The following TCF7L2 variants were observed in gnomAD, a reference collection of about 807,000 sequenced individuals.
The protein encoded by TCF7L2 is transcription factor 7 like 2, also known as transcription factor 7-like 2.
A neutral mutation model predicts 77.9 loss-of-function variants in TCF7L2; 23 were observed. The observed-to-expected ratio is 0.30, with a 90% CI of 0.21 to 0.42. The LOEUF (loss-of-function observed/expected upper bound fraction) is 0.42. Among genes scored for constraint, TCF7L2 ranks in the 10% least tolerant of loss-of-function variants. The pLI is 1.00. For synonymous variants in TCF7L2, 413 were observed against 340.2 expected (o/e 1.21, Z -2.36); for missense variants, 654 against 793.1 (o/e 0.82, Z 2.11).
intron 4 of TCF7L2, among the ~76,000 whole-genome samples, chr10:113,032,623 G>A (rs1375472901): frequency 6.6e-6 from 1 of 152,148 alleles, no homozygotes; most frequent in East Asian, 1.9e-4. Flanking sequence ...AAGAAAACTG[G>A]GAAAGATAGA....
At chr10:112,967,964 T>A (rs996631985) in intron 4 of TCF7L2, among the ~76,000 whole-genome samples, 1 of 152,222 alleles carries the variant, frequency 6.6e-6, no homozygotes, top group African/African-American at 2.4e-5. Flanking sequence ...AGAAAAGACA[T>A]TGTTTTAAAA....
chr10:113,023,594 C>T (rs562507903), intron 4 of TCF7L2, among the ~76,000 whole-genome samples: 2 of 152,360 alleles, frequency 1.3e-5, no homozygotes, highest in East Asian at 1.9e-4. Flanking sequence ...GCCTCAGCCT[C>T]CCCAGTAGCT....
intron 12 of TCF7L2, 89 bp downstream of exon 13, chr10:113,158,806 G>A (rs766467047): frequency 5.7e-5 from 76 of 1,327,778 alleles, no homozygotes; most frequent in Non-Finnish European, 6.9e-5. Flanking sequence ...ATTTAAACAC[G>A]TATGACATTT....
At chr10:113,082,623 G>A (rs539554602) in intron 5 of TCF7L2, among the ~76,000 whole-genome samples, 5 of 151,934 alleles carry the variant, frequency 3.3e-5, no homozygotes, top group Non-Finnish European at 5.9e-5. Context: ...GTGTGTGCAC[G>A]TGCACACGCA....
chr10:113,116,866 A>C (rs1190373070), intron 5 of TCF7L2, among the ~76,000 whole-genome samples: 2 of 152,188 alleles, frequency 1.3e-5, no homozygotes, highest in Non-Finnish European at 2.9e-5. Flanking sequence ...CTCAAATGCA[A>C]GTGTAAAGTT....
Position 112,950,801 on chromosome 10 carries a change from C to G in TCF7L2, c.45C>G (p.Asn15Lys), listed in dbSNP as rs76088094. 6.3e-7 allele frequency: 1 copy of G among 1,593,194 alleles called. No individual in the cohort carries two copies. The stretch of plus-strand genomic sequence containing the variant: ...GTGGAGGGGATGACCTAGGCGCCAA[C>G]GACGAACTGATTTCCTTCAAAGACG... The change falls in exon 1 of 14, where the codon AAC becomes AAG. Residue 15 changes from asparagine (N) to lysine (K), a missense_variant. Physicochemically the swap from Asn to Lys is moderately conservative, Grantham distance 94. Coordinates refer to ENST00000627217, the MANE Select transcript of TCF7L2 (RefSeq NM_001146274.2).
intron 4 of TCF7L2, among the ~76,000 whole-genome samples, chr10:113,023,315 T>G (rs1330251139): frequency 3.3e-5 from 5 of 152,178 alleles, no homozygotes; most frequent in Non-Finnish European, 7.4e-5. Context: ...CACTTGCCAG[T>G]TTTACCGCAG....
chr10:113,085,697 C>G (rs2059767379), intron 5 of TCF7L2, among the ~76,000 whole-genome samples: 1 of 152,176 alleles, frequency 6.6e-6, no homozygotes, highest in Non-Finnish European at 1.5e-5. Context: ...ACATTGACAT[C>G]AGGGGCTGAG....
chr10:113,104,436 C>A (rs1165680606), intron 5 of TCF7L2, among the ~76,000 whole-genome samples: 1 of 152,176 alleles, frequency 6.6e-6, no homozygotes, highest in Non-Finnish European at 1.5e-5. Context: ...GTCATCTGGA[C>A]ACCAGGGAGG....
intron 5 of TCF7L2, among the ~76,000 whole-genome samples, chr10:113,116,748 AATAG>A (rs1347846127): frequency 1.3e-5 from 2 of 151,702 alleles, no homozygotes; most frequent in African/African-American, 4.8e-5. Flanking sequence ...AATCTAGGTA[AATAG>A]ATTTTAAATC....
chr10:112,968,833 C>A (rs998086492), intron 4 of TCF7L2, among the ~76,000 whole-genome samples: 1 of 152,138 alleles, frequency 6.6e-6, no homozygotes, highest in Non-Finnish European at 1.5e-5. Context: ...GCCATTTGGC[C>A]TCCCAAAGTG....
intron 5 of TCF7L2, among the ~76,000 whole-genome samples, chr10:113,086,655 T>C (rs760690689): frequency 3.9e-5 from 6 of 152,102 alleles, no homozygotes; most frequent in Non-Finnish European, 8.8e-5. Context: ...ACCAGAAAAA[T>C]CATGAATGGA....
At chr10:113,089,320 G>T in intron 5 of TCF7L2, 1 of 1,494,516 alleles carries the variant, frequency 6.7e-7, no homozygotes, top group East Asian at 2.3e-5. Context: ...AGAAAGGAAG[G>T]CTGGGGGCTG....
chr10:112,994,228 C>T (rs1264528122), intron 4 of TCF7L2, among the ~76,000 whole-genome samples: 3 of 152,256 alleles, frequency 2.0e-5, no homozygotes, highest in Middle Eastern at 6.8e-3. Context: ...CCTCCCTTAC[C>T]CATTAGCAGT....
chr10:112,978,211 A>G (rs891612315), intron 4 of TCF7L2, among the ~76,000 whole-genome samples: 3 of 152,218 alleles, frequency 2.0e-5, no homozygotes, highest in African/African-American at 7.2e-5. Context: ...CATATTTGAA[A>G]TGGAGTCTAG....
At chr10:113,142,932 G>A (rs551806231) in intron 6 of TCF7L2, among the ~76,000 whole-genome samples, 2 of 152,334 alleles carry the variant, frequency 1.3e-5, no homozygotes, top group African/African-American at 4.8e-5. Context: ...AGAAAGCAAT[G>A]TCTGCATGAA....
chr10:112,988,135 C>T (rs142780344), intron 4 of TCF7L2, among the ~76,000 whole-genome samples: 4 of 151,224 alleles, frequency 2.6e-5, no homozygotes, highest in African/African-American at 7.3e-5. Context: ...GAGTCTTGCT[C>T]TTGTTGCCCA....
rs367625696 is a variant in TCF7L2, at chr10:113,095,115, A to G, written c.553-46069A>G. Among the ~76,000 whole-genome samples the G allele has an allele frequency of 3.9e-4, 59 of 152,296 alleles. No individual in the cohort carries two copies. The South Asian group carries it at 0.012, about 31-fold the overall frequency. On this transcript the variant is annotated intron_variant, in intron 5 of 13. Coordinates refer to ENST00000627217, the MANE Select transcript of TCF7L2 (RefSeq NM_001146274.2). ...AGCAAGACTCCATCTCAAAAAATAAAAACAAAAAACAAAAAACCAAAAAAC... is the reference window on the plus strand; with the variant it reads ...AGCAAGACTCCATCTCAAAAAATAAGAACAAAAAACAAAAAACCAAAAAAC...
Position 113,080,419 on chromosome 10 carries a change from G to A in TCF7L2, c.552+40293G>A, listed in dbSNP as rs190426818. Reference sequence around the variant, plus strand: ...TGACTGCCTAAGCAGTCAGATTTGCGACAGTGTGATCCTTTTTGGAATTCA... The same window carrying A: ...TGACTGCCTAAGCAGTCAGATTTGCAACAGTGTGATCCTTTTTGGAATTCA... On this transcript the variant is annotated intron_variant, in intron 5 of 13. Transcript: ENST00000627217. 3.3e-5 allele frequency among the ~76,000 whole-genome samples: 5 copies of A among 152,078 alleles called. No individual in the cohort carries two copies. The East Asian group carries it at 9.7e-4, about 30-fold the overall frequency.
Sources: allele counts gnomAD v4.1 joint callset (sites outside exome capture counted in the v4.1 genomes callset), GRCh38; gene constraint gnomAD v4.1.1; transcripts MANE v1.5; gene names NCBI Gene and HGNC (gene_info 2026-07-23, HGNC 2026-07-21).